The following TMEM74 variants were observed in gnomAD, a reference collection of about 807,000 sequenced individuals.
TMEM74 encodes the protein transmembrane protein 74.
In TMEM74, 13 loss-of-function variants were observed where a neutral mutation model predicts 18.1. That is an observed-to-expected ratio of 0.72 (90% CI 0.47 to 1.14). The LOEUF (loss-of-function observed/expected upper bound fraction) is 1.14. Ranked by LOEUF, TMEM74 falls within the 50% of genes most tolerant of loss-of-function variation. The pLI is 0.00. For synonymous variants in TMEM74, 159 were observed against 146.6 expected (o/e 1.08, Z -0.61); for missense variants, 372 against 375.9 (o/e 0.99, Z 0.09).
intron 1 of TMEM74, among the ~76,000 whole-genome samples, chr8:108,703,146 C>T (rs978265630): frequency 6.6e-6 from 1 of 152,094 alleles, no homozygotes; most frequent in Non-Finnish European, 1.5e-5. Flanking sequence ...CTATGTCCCT[C>T]CCAATGCTCA....
intron 1 of TMEM74, among the ~76,000 whole-genome samples, chr8:108,729,873 A>C (rs936632094): frequency 2.6e-5 from 4 of 152,228 alleles, no homozygotes; most frequent in Non-Finnish European, 5.9e-5. Flanking sequence ...CATCTCAAAC[A>C]TAATTTGCAG....
chr8:108,716,810 A>G lies in TMEM74; in HGVS notation n.120-61373T>C, dbSNP rs188581746. ...AAAAAAAAACAAAAAATACATGTAA[A>G]ATATATTCAATAAAAAATGGAACAT... On this transcript the variant is annotated intron_variant and non_coding_transcript_variant, in intron 1 of 3. Coordinates refer to the TMEM74 transcript ENST00000518838. Among the ~76,000 whole-genome samples the G allele has an allele frequency of 1.5e-3, 229 of 151,958 alleles. 1 individual carries two copies. The highest frequency in any genetic ancestry group is 5.0e-3 in the African/African-American group (209 of 41,548).
Position 108,782,684 on chromosome 8 carries a change from G to T in TMEM74, c.*1497C>A, listed in dbSNP as rs1563550702. ...GAAATAGCCTTTAAAAATCTGCAAA[G>T]AAATCACTTTCTTACTTCCTCATTC... On this transcript the variant is annotated 3_prime_UTR_variant, in exon 2 of 2. Transcript: ENST00000297459. 6.6e-6 allele frequency among the ~76,000 whole-genome samples: 1 copy of T among 152,138 alleles called. No individual in the cohort carries two copies. The highest frequency in any genetic ancestry group is 2.1e-4 in the South Asian group (1 of 4,824).
intron 1 of TMEM74, among the ~76,000 whole-genome samples, chr8:108,665,299 G>T (rs1812938479): frequency 6.6e-6 from 1 of 152,152 alleles, no homozygotes; most frequent in Non-Finnish European, 1.5e-5. Flanking sequence ...TGAAGAAGTT[G>T]TCTAATGAGG....
At chr8:108,754,647 G>GTAGGTAGC (rs1367181762) in intron 1 of TMEM74, among the ~76,000 whole-genome samples, 12 of 139,468 alleles carry the variant, frequency 8.6e-5, no homozygotes, top group Admixed American at 5.1e-4. Context: ...GGATAGGTAG[G>GTAGGTAGC]TAGGTAGGTA....
At chr8:108,747,702 T>TCTCCCAA (rs1813863421) in intron 1 of TMEM74, among the ~76,000 whole-genome samples, 1 of 151,064 alleles carries the variant, frequency 6.6e-6, no homozygotes, top group Non-Finnish European at 1.5e-5. Flanking sequence ...TTCCTGATCC[T>TCTCCCAA]CTCCCACCTC....
chr8:108,707,032 G>C (rs1171850862), intron 1 of TMEM74, among the ~76,000 whole-genome samples: 1 of 151,746 alleles, frequency 6.6e-6, no homozygotes, highest in Non-Finnish European at 1.5e-5. Flanking sequence ...CATGTCCTTT[G>C]CAGGGACACG....
At chr8:108,700,553 T>C (rs969585626) in intron 1 of TMEM74, among the ~76,000 whole-genome samples, 1 of 152,140 alleles carries the variant, frequency 6.6e-6, no homozygotes, top group Admixed American at 6.5e-5. Flanking sequence ...GCTCAAGTTT[T>C]CTAGAACACA....
chr8:108,688,971 G>A (rs1696883273), intron 1 of TMEM74, among the ~76,000 whole-genome samples: 1 of 152,162 alleles, frequency 6.6e-6, no homozygotes, highest in Non-Finnish European at 1.5e-5. Context: ...CTTCTCTAGT[G>A]TCAAGTCTGT....
In TMEM74 at chr8:108,783,193, G is replaced by A. The variant is rs185263551; in HGVS notation, c.*988C>T. Among the ~76,000 whole-genome samples, 407 of 152,234 alleles carry A rather than the reference G, an allele frequency of 2.7e-3. 4 individuals are homozygous for A. Among genetic ancestry groups the A allele is most frequent in the African/African-American group, 9.3e-3 (386 of 41,528 alleles). On this transcript the variant is annotated 3_prime_UTR_variant, in exon 2 of 2. Transcript: ENST00000297459. ...GCCTACAGCAAGTGATACAGCCTGC[G>A]AGGCACAGTCCCCAAAAGTCTAGCT...
chr8:108,644,681 G>A (rs975816363), intron 2 of TMEM74, among the ~76,000 whole-genome samples: 15 of 152,172 alleles, frequency 9.9e-5, no homozygotes, highest in Admixed American at 9.2e-4. Context: ...CTGTTAAAAC[G>A]TGCGCAGAGA....
intron 2 of TMEM74, among the ~76,000 whole-genome samples, chr8:108,630,524 A>G (rs1297501137): frequency 1.3e-5 from 2 of 152,088 alleles, no homozygotes; most frequent in Non-Finnish European, 2.9e-5. Flanking sequence ...AACAGAATAT[A>G]CATTCTTCTC....
At chr8:108,768,957 T>C (rs1430391623) in intron 1 of TMEM74, among the ~76,000 whole-genome samples, 4 of 152,144 alleles carry the variant, frequency 2.6e-5, no homozygotes, top group Admixed American at 6.5e-5. Context: ...TTTGAAGATA[T>C]TGAGAGAAAA....
At chr8:108,697,383 T>C (rs1372325248) in intron 1 of TMEM74, among the ~76,000 whole-genome samples, 7 of 152,208 alleles carry the variant, frequency 4.6e-5, no homozygotes, top group African/African-American at 1.7e-4. Context: ...AAATGGGTTC[T>C]GATATAAGCT....
At chr8:108,660,459 C>G (rs1812888455) in intron 1 of TMEM74, among the ~76,000 whole-genome samples, 1 of 152,128 alleles carries the variant, frequency 6.6e-6, no homozygotes, top group Non-Finnish European at 1.5e-5. Context: ...TCTTATTTTT[C>G]TTCTTGGTAT....
At chr8:108,786,886 G>T (rs984492763) in intron 1 of TMEM74, among the ~76,000 whole-genome samples, 4 of 152,082 alleles carry the variant, frequency 2.6e-5, no homozygotes, top group African/African-American at 9.7e-5. Flanking sequence ...CCCTACGGCC[G>T]CCTCTACCTC....
Position 108,676,484 on chromosome 8 carries a change from C to T in TMEM74, n.120-21047G>A, listed in dbSNP as rs114351524. Among the ~76,000 whole-genome samples the T allele has an allele frequency of 6.9e-3, 1,051 of 152,226 alleles. 10 individuals are homozygous for T. The highest frequency in any genetic ancestry group is 0.023 in the African/African-American group (968 of 41,552). ...TCCCTCTGCCTAGGAGGCATGCACA[C>T]GGCTCACTTCCTCCTCTCCTTTAAG... On this transcript the variant is annotated intron_variant and non_coding_transcript_variant, in intron 1 of 3. Coordinates refer to the TMEM74 transcript ENST00000518838.
chr8:108,756,745 A>AAAGAAGGG (rs1813978620), intron 1 of TMEM74, among the ~76,000 whole-genome samples: 2 of 111,348 alleles, frequency 1.8e-5, no homozygotes. Context: ...AGAAAGAAAG[A>AAAGAAGGG]AGGGAGGGAG....
chr8:108,682,684 A>G (rs931568795), intron 1 of TMEM74, among the ~76,000 whole-genome samples: 7 of 152,016 alleles, frequency 4.6e-5, no homozygotes, highest in African/African-American at 1.7e-4. Context: ...GCAGTTTGTA[A>G]TTAAATTACC....
Sources: allele counts gnomAD v4.1 joint callset (sites outside exome capture counted in the v4.1 genomes callset), GRCh38; gene constraint gnomAD v4.1.1; transcripts MANE v1.5; gene names NCBI Gene and HGNC (gene_info 2026-07-23, HGNC 2026-07-21).